PSD3: variants seen among roughly 807,000 people sequenced by gnomAD.
PSD3 encodes pleckstrin and Sec7 domain containing 3.
PSD3 carries 49 observed loss-of-function variants against 105.5 expected under a neutral mutation model. The ratio of observed to expected loss-of-function variants is 0.46; its 90% CI spans 0.37 to 0.59. The LOEUF is 0.59. Among genes scored for constraint, PSD3 ranks in the 20% least tolerant of loss-of-function variants. The probability of loss-of-function intolerance (pLI) is 0.00; values close to 1 mark genes in which losing one functional copy is unlikely to be tolerated. For missense variants in PSD3, 1,561 were observed against 1,263.8 expected (o/e 1.24, Z -3.57); for synonymous variants, 557 against 457.8 (o/e 1.22, Z -2.77).
At chr8:18,628,020 C>A (rs1806617616) in intron 11 of PSD3, among the ~76,000 whole-genome samples, 2 of 151,964 alleles carry the variant, frequency 1.3e-5, no homozygotes, top group South Asian at 4.2e-4. Context: ...CAAAGATAAA[C>A]ATGCTGATTA....
intron 2 of PSD3, among the ~76,000 whole-genome samples, chr8:18,906,133 T>C (rs1006964118): frequency 1.3e-5 from 2 of 152,134 alleles, no homozygotes; most frequent in Non-Finnish European, 2.9e-5. Context: ...AGAAAAGTGG[T>C]TTTCTTTGAG....
rs1360555483 is a variant in PSD3 at position 18,572,642 on chromosome 8, G to C, written c.2670C>G (p.Asn890Lys). 2 of 1,613,986 alleles carry C rather than the reference G, an allele frequency of 1.2e-6. No individual in the cohort carries two copies. The highest frequency in any genetic ancestry group is 8.5e-7 in the Non-Finnish European group (1 of 1,179,918). The change falls in exon 14 of 16, where the codon AAC becomes AAG. Residue 890 changes from asparagine to lysine, a missense_variant. Transcript: ENST00000327040. The part of the protein sequence containing the change: ...QSPEEMQGWI[N>K]KINCVAAVFS... ...ATACAGCTGCCACACAATTGATTTT[G>C]TTTATCCACCCTTGCATTTCCTCTG... is the stretch of plus-strand genomic sequence containing the variant.
chr8:18,960,999 T>C (rs1823875960), intron 1 of PSD3, among the ~76,000 whole-genome samples: 1 of 151,834 alleles, frequency 6.6e-6, no homozygotes, highest in Non-Finnish European at 1.5e-5. Flanking sequence ...GGTGGGAGGA[T>C]CTACATGAAC....
At chr8:18,937,649 A>C (rs17127476) in intron 1 of PSD3, among the ~76,000 whole-genome samples, 6,123 of 152,296 alleles carry the variant, frequency 0.04, 173 homozygotes, top group South Asian at 0.064. Flanking sequence ...TATCGGTCTG[A>C]AAAAAGGTGC....
At chr8:18,892,876 C>T (rs1818902267) in intron 2 of PSD3, among the ~76,000 whole-genome samples, 1 of 152,132 alleles carries the variant, frequency 6.6e-6, no homozygotes, top group South Asian at 2.1e-4. Flanking sequence ...CCATCCACTT[C>T]AGCCTCCCAC....
intron 11 of PSD3, among the ~76,000 whole-genome samples, chr8:18,604,148 G>A (rs572263507): frequency 6.6e-6 from 1 of 152,304 alleles, no homozygotes; most frequent in South Asian, 2.1e-4. Context: ...ATGACTGAAA[G>A]TTTGGAAATT....
chr8:19,008,231 G>C (rs952329853), intron 1 of PSD3, among the ~76,000 whole-genome samples: 1 of 151,800 alleles, frequency 6.6e-6, no homozygotes. Flanking sequence ...ATGAATCGGC[G>C]AAACATAAAA....
At position 18,673,096 on chromosome 8, in the gene PSD3, T is replaced by G. The variant is rs548759737; in HGVS notation, c.2173-17411A>C. On this transcript the variant is annotated intron_variant, in intron 9 of 15. Transcript: ENST00000327040. ...TTCTTGCTGCTCAAAAGTCACCTCT[T>G]TCAATCTCTTTTTGGTTTTTCTATT... Among the ~76,000 whole-genome samples, 30 of 152,246 alleles carry G rather than the reference T, an allele frequency of 2.0e-4. No homozygotes were observed. The South Asian group carries it at 2.1e-3, about 11-fold the overall frequency.
At chr8:18,967,124 T>A (rs767948719) in intron 1 of PSD3, among the ~76,000 whole-genome samples, 6 of 151,980 alleles carry the variant, frequency 3.9e-5, no homozygotes, top group Non-Finnish European at 7.4e-5. Flanking sequence ...CCTATCAGCA[T>A]GGAATCCCAC....
chr8:18,940,848 G>C (rs1049419765), intron 1 of PSD3, among the ~76,000 whole-genome samples: 1 of 152,086 alleles, frequency 6.6e-6, no homozygotes, highest in Non-Finnish European at 1.5e-5. Flanking sequence ...CAAAAACCAC[G>C]CTTCTGTCTG....
chr8:18,879,035 CAA>C (rs1367342893), intron 2 of PSD3, among the ~76,000 whole-genome samples: 18 of 146,402 alleles, frequency 1.2e-4, no homozygotes, highest in East Asian at 1.2e-3. Context: ...AACAAACAAA[CAA>C]ACACACACAC....
At chr8:18,987,069 G>A (rs926464074) in intron 1 of PSD3, among the ~76,000 whole-genome samples, 1 of 152,010 alleles carries the variant, frequency 6.6e-6, no homozygotes, top group Non-Finnish European at 1.5e-5. Context: ...ACAGGGAGGC[G>A]AACAACATAC....
At position 18,590,760 on chromosome 8, in the gene PSD3, A is replaced by G. The variant is rs539596062; in HGVS notation, c.2481+9604T>C. 6.6e-5 allele frequency among the ~76,000 whole-genome samples: 10 copies of G among 152,308 alleles called. No individual in the cohort carries two copies. The South Asian group carries it at 1.7e-3, about 25-fold the overall frequency. On this transcript the variant is annotated intron_variant, in intron 12 of 15. Coordinates refer to ENST00000327040, the MANE Select transcript of PSD3 (RefSeq NM_015310.4). ...AAATCTATTTAACAAAAAATACTAC[A>G]TGCATTTAAAAATGAATATGTTTAT...
chr8:18,646,595 CA>C (rs1156541688), intron 10 of PSD3, among the ~76,000 whole-genome samples: 1 of 150,798 alleles, frequency 6.6e-6, no homozygotes, highest in African/African-American at 2.4e-5. Context: ...AGCACTACAA[CA>C]AAAAAAATGA....
chr8:18,667,757 G>T (rs1185662554), intron 9 of PSD3, among the ~76,000 whole-genome samples: 5 of 152,208 alleles, frequency 3.3e-5, no homozygotes, highest in Non-Finnish European at 7.3e-5. Context: ...GGCTCAGGCG[G>T]GGCAAGGAGC....
At chr8:18,612,967 T>C (rs943535606) in intron 11 of PSD3, among the ~76,000 whole-genome samples, 1 of 152,002 alleles carries the variant, frequency 6.6e-6, no homozygotes, top group African/African-American at 2.4e-5. Context: ...CAGCCATTAC[T>C]AGACGTGCAG....
intron 11 of PSD3, among the ~76,000 whole-genome samples, chr8:18,615,145 GATTACCTACTCCACCCTGACTCATTCCA>G (rs372169075): frequency 0.21 from 31,516 of 151,246 alleles, 3,474 homozygotes; most frequent in Non-Finnish European, 0.26. Flanking sequence ...AACCTTTTTC[GATTACCTACTCCACCCTGACTCATTCCA>G]ATTACCTACT....
chr8:18,690,797 C>T (rs550945057), intron 9 of PSD3, among the ~76,000 whole-genome samples: 1 of 152,338 alleles, frequency 6.6e-6, no homozygotes, highest in East Asian at 1.9e-4. Flanking sequence ...GCCTGCTGAA[C>T]CAGCTTCAGA....
chr8:19,028,864 A>G (rs530249698), intron 1 of PSD3, among the ~76,000 whole-genome samples: 3 of 152,288 alleles, frequency 2.0e-5, no homozygotes, highest in Admixed American at 6.5e-5. Context: ...CACATGTGCT[A>G]TGAGTTAAGG....
Sources: gnomAD v4.1 joint callset for allele counts (sites outside exome capture counted in the v4.1 genomes callset) on GRCh38, gnomAD v4.1.1 for gene constraint, MANE v1.5 for transcripts, NCBI Gene and HGNC (gene_info 2026-07-23, HGNC 2026-07-21) for gene names.